Variants in PPP4R1 observed in about 807,000 individuals in gnomAD.
PPP4R1 encodes the protein protein phosphatase 4 regulatory subunit 1, also known as serine/threonine-protein phosphatase 4 regulatory subunit 1.
PPP4R1 carries 42 observed loss-of-function variants against 111.2 expected under a neutral mutation model. The ratio of observed to expected loss-of-function variants is 0.38; its 90% CI spans 0.29 to 0.49. The LOEUF (loss-of-function observed/expected upper bound fraction) is 0.49. PPP4R1 is among the 20% of genes least tolerant of loss of function. PPP4R1 has a pLI of 0.97. For synonymous variants in PPP4R1, 409 were observed against 405.5 expected, an observed-to-expected ratio of 1.01 and a Z score of -0.10; for missense variants, 1,012 against 1,161.6, an observed-to-expected ratio of 0.87 and a Z score of 1.87.
chr18:9,602,367 T>TA (rs11324056), intron 2 of PPP4R1, among the ~76,000 whole-genome samples: 1,469 of 45,182 alleles, frequency 0.033, 33 homozygotes, highest in African/African-American at 0.051. Flanking sequence ...CCATCTCTAC[T>TA]AAAAAAAAAA....
chr18:9,584,925 A>T lies in PPP4R1; in HGVS notation c.586-97T>A, dbSNP rs184525440. ...AGTATATAATTTGAGGAAACATAAA[A>T]TATGATATGGCATCATTATACTATA... On this transcript the variant is annotated intron_variant, in intron 6 of 19. Transcript: ENST00000400556. 4.1e-6 allele frequency: 4 copies of T among 977,652 alleles called. No homozygotes were observed. In the African/African-American group the frequency reaches 6.6e-5, roughly 16 times the overall value. The allele number at this position is 977,652 out of a possible 1,614,324, so 60.6% of individuals were successfully genotyped here. A position where few individuals can be genotyped will look rare whatever the true frequency, so the allele number is the denominator to read the frequency against.
chr18:9,560,386 A>C (rs950541984), intron 13 of PPP4R1, among the ~76,000 whole-genome samples: 6 of 150,314 alleles, frequency 4.0e-5, no homozygotes, highest in Non-Finnish European at 7.4e-5. Context: ...GAGGAAAAGA[A>C]GAACATATTT....
intron 8 of PPP4R1, among the ~76,000 whole-genome samples, chr18:9,583,801 TATATAAC>T (rs2067071158): frequency 6.6e-6 from 1 of 151,410 alleles, no homozygotes; most frequent in Non-Finnish European, 1.5e-5. Flanking sequence ...AAATTATAAA[TATATAAC>T]ATATAATAAT....
At chr18:9,605,082 C>G (rs912889585) in intron 2 of PPP4R1, among the ~76,000 whole-genome samples, 80 of 152,142 alleles carry the variant, frequency 5.3e-4, no homozygotes, top group African/African-American at 1.7e-3. Flanking sequence ...CATAAAAAAG[C>G]TCATAGTCTA....
chr18:9,593,880 C>A lies in PPP4R1; in HGVS notation c.189-6G>T. 1 of 1,601,226 alleles carries A rather than the reference C, an allele frequency of 6.2e-7. No individual in the cohort carries two copies. Among genetic ancestry groups the A allele is most frequent in the Non-Finnish European group, 8.5e-7 (1 of 1,170,996 alleles). Reference sequence around the variant, plus strand: ...AACTCCGGGCCACCATTTGTCTACACAAAAAAAACAAAATTATGTATGTTC... The same window carrying A: ...AACTCCGGGCCACCATTTGTCTACAAAAAAAAAACAAAATTATGTATGTTC... On this transcript the variant is annotated splice_region_variant and splice_polypyrimidine_tract_variant and intron_variant, in intron 3 of 19. Transcript: ENST00000400556.
At position 9,549,444 on chromosome 18, in the gene PPP4R1, T is replaced by C. The variant is rs529139988; in HGVS notation, c.2548-106A>G. The C allele has an allele frequency of 6.0e-5, 84 of 1,402,674 alleles. No individual in the cohort carries two copies. The South Asian group carries it at 7.2e-4, about 12-fold the overall frequency. The allele number at this position is 1,402,674 out of a possible 1,614,324, so 86.9% of individuals were successfully genotyped here. A position where few individuals can be genotyped will look rare whatever the true frequency, so the allele number is the denominator to read the frequency against. ...TGACCACAGGTACAAATTTTAGTTA[T>C]TGCTTTTTAACCAAAATTCCACGTA... On this transcript the variant is annotated intron_variant, in intron 18 of 19. Coordinates refer to ENST00000400556, the MANE Select transcript of PPP4R1 (RefSeq NM_001042388.3).
chr18:9,563,512 T>C lies in PPP4R1; in HGVS notation c.1612A>G (p.Ser538Gly), dbSNP rs201348838. The change falls in exon 12 of 20, where the codon AGC becomes GGC. Residue 538 changes from serine to glycine, a missense_variant. By Grantham distance (56) the Ser-to-Gly change is moderately conservative. This residue lies in a region of PPP4R1 where 707 missense variants were observed against 742.1 expected (regional missense o/e 0.95). Coordinates refer to ENST00000400556, the MANE Select transcript of PPP4R1 (RefSeq NM_001042388.3). ...ATGGTCTCTTCATGTGCATCCAGGC[T>C]GGAAGCACGTAGTGCAGCGGACAGC... ...EVLSAALRAS[S>G]LDAHEETISI... 1,137 of 1,608,390 alleles carry C rather than the reference T, an allele frequency of 7.1e-4. 3 individuals are homozygous for C. Among genetic ancestry groups the C allele is most frequent in the Non-Finnish European group, 8.9e-4 (1,049 of 1,176,060 alleles).
chr18:9,563,699 G>C, intron 11 of PPP4R1, 149 bp from the exon 12 acceptor site: 1 of 627,234 alleles, frequency 1.6e-6, no homozygotes, highest in Non-Finnish European at 2.5e-6. Context: ...TTCTACTGTG[G>C]TAAATCATTA....
intron 8 of PPP4R1, among the ~76,000 whole-genome samples, chr18:9,583,604 T>C (rs2067067412): frequency 6.6e-6 from 1 of 151,772 alleles, no homozygotes; most frequent in Non-Finnish European, 1.5e-5. Flanking sequence ...TGACCTCAGG[T>C]GATCCACCTG....
intron 2 of PPP4R1, among the ~76,000 whole-genome samples, chr18:9,610,341 A>T (rs2067556303): frequency 6.6e-6 from 1 of 152,258 alleles, no homozygotes; most frequent in Admixed American, 6.5e-5. Context: ...ATCTGCTGAG[A>T]TAACCTATGT....
intron 2 of PPP4R1, among the ~76,000 whole-genome samples, chr18:9,602,259 C>T (rs944360773): frequency 1.3e-5 from 2 of 149,152 alleles, no homozygotes; most frequent in East Asian, 2.0e-4. Context: ...TGGCCAGGCG[C>T]GGTGGCTCAC....
At chr18:9,584,694 A>G in intron 7 of PPP4R1, 27 bp downstream of exon 7, 1 of 1,609,594 alleles carries the variant, frequency 6.2e-7, no homozygotes, top group Non-Finnish European at 8.5e-7. Context: ...GTTCTTAAAC[A>G]GCAGAAAAAA....
chr18:9,616,252 C>CTT (rs35547777), upstream of PPP4R1, among the ~76,000 whole-genome samples: 5,847 of 146,614 alleles, frequency 0.04, 136 homozygotes, highest in African/African-American at 0.054. Context: ...CAAATCAGCT[C>CTT]TTTTTTTTTT....
At chr18:9,571,597 A>G (rs1319448638) in intron 10 of PPP4R1, among the ~76,000 whole-genome samples, 1 of 152,214 alleles carries the variant, frequency 6.6e-6, no homozygotes, top group Non-Finnish European at 1.5e-5. Context: ...CACTGAACAC[A>G]GGAGGAGATG....
chr18:9,595,118 T>A lies in PPP4R1; in HGVS notation c.88A>T (p.Ile30Phe). ...VDDYSSESDV[I>F]IIPSALDFVS... is the part of the protein sequence containing the mutation. ...AAGTCCAGGGCTGAAGGTATAATAA[T>A]CACATCAGACTCTGAGCTGTAGTCA... Residue 30 changes from isoleucine to phenylalanine, a missense_variant, in exon 3 of 20, where the codon ATT (isoleucine) becomes TTT (phenylalanine). Ile to Phe is a conservative substitution (Grantham distance 21). Transcript: ENST00000400556. 6.2e-7 allele frequency: 1 copy of A among 1,613,892 alleles called. No homozygotes were observed. The highest frequency in any genetic ancestry group is 8.5e-7 in the Non-Finnish European group (1 of 1,179,876).
chr18:9,558,937 G>A (rs1427093905), intron 14 of PPP4R1, among the ~76,000 whole-genome samples: 1 of 152,076 alleles, frequency 6.6e-6, no homozygotes, highest in Non-Finnish European at 1.5e-5. Flanking sequence ...TGAGGAGAGA[G>A]CAAGAACCAC....
chr18:9,614,597 CG>C (rs999346472), upstream of PPP4R1: 4 of 648,462 alleles, frequency 6.2e-6, no homozygotes, highest in Non-Finnish European at 7.6e-6. The surrounding 1 kb of genome is among the most constrained non-coding windows in gnomAD (Gnocchi z 4.1). Context: ...GGAGGAGGGC[CG>C]GGCTGGCGGG....
chr18:9,563,617 T>C (rs2066714429), intron 11 of PPP4R1, 67 bp from the exon 12 acceptor site: 1 of 1,400,272 alleles, frequency 7.1e-7, no homozygotes, highest in East Asian at 2.3e-5. Context: ...AAGGCTGTTC[T>C]CCATTTGCAC....
At chr18:9,581,665 T>C (rs1275794461) in intron 9 of PPP4R1, among the ~76,000 whole-genome samples, 9 of 152,096 alleles carry the variant, frequency 5.9e-5, no homozygotes, top group Non-Finnish European at 1.2e-4. Context: ...TGAAGAAACA[T>C]TGGCTCAAAA....
Sources: gnomAD v4.1 joint callset for allele counts (sites outside exome capture counted in the v4.1 genomes callset) on GRCh38, gnomAD v4.1.1 for gene constraint, gnomAD v4.1.1 regional missense constraint, Gnocchi (gnomAD v3.1) non-coding constraint, MANE v1.5 for transcripts, NCBI Gene and HGNC (gene_info 2026-07-23, HGNC 2026-07-21) for gene names.